Variants in DLG2 observed in about 807,000 individuals in gnomAD.
DLG2 encodes discs large MAGUK scaffold protein 2.
In DLG2, 45 loss-of-function variants were observed where a neutral mutation model predicts 132.5. That is an observed-to-expected ratio of 0.34 (90% confidence interval 0.27 to 0.44). DLG2 has a LOEUF of 0.44. Among genes scored for constraint, DLG2 ranks in the 20% least tolerant of loss-of-function variants. The pLI, the probability that DLG2 is intolerant of heterozygous loss-of-function variation, is 1.00. For synonymous variants in DLG2, 424 were observed against 419.6 expected (o/e 1.01, Z -0.13); for missense variants, 1,045 against 1,196.9 (o/e 0.87, Z 1.87).
In DLG2 at chr11:83,996,475, C is replaced by T. The variant is rs181174404; in HGVS notation, c.920-15833G>A. ...ATTCAGCGATCCTACTTATGGCTAC[C>T]GAAAGAAAGCAAATCAGTATACTGA... is the stretch of plus-strand genomic sequence containing the variant. On this transcript the variant is annotated intron_variant, in intron 11 of 27. Transcript: ENST00000376104. 9.9e-5 allele frequency among the ~76,000 whole-genome samples: 15 copies of T among 152,160 alleles called. No individual in the cohort carries two copies. The East Asian group carries it at 2.9e-3, about 29-fold the overall frequency.
intron 6 of DLG2, chr11:84,955,600 A>T (rs989222548): frequency 1.3e-5 from 2 of 152,360 alleles, no homozygotes; most frequent in South Asian, 4.1e-4. Context: ...TTCATCAACC[A>T]GATTCAGCAA....
intron 11 of DLG2, among the ~76,000 whole-genome samples, chr11:84,056,203 T>C (rs1312987879): frequency 6.6e-6 from 1 of 152,086 alleles, no homozygotes; most frequent in East Asian, 1.9e-4. Context: ...TAGTTATTTG[T>C]CCTAATGCTA....
intron 6 of DLG2, among the ~76,000 whole-genome samples, chr11:84,890,011 A>G (rs905741995): frequency 6.6e-6 from 1 of 152,206 alleles, no homozygotes; most frequent in Non-Finnish European, 1.5e-5. Context: ...ATGGATAGTC[A>G]TATGATAGTA....
chr11:84,113,879 T>C (rs1490706474), intron 9 of DLG2, among the ~76,000 whole-genome samples: 1 of 152,136 alleles, frequency 6.6e-6, no homozygotes, highest in African/African-American at 2.4e-5. Flanking sequence ...TTTGTCAAGT[T>C]TTAATGTGGT....
chr11:84,535,872 A>G (rs765357396), intron 6 of DLG2, among the ~76,000 whole-genome samples: 1 of 151,904 alleles, frequency 6.6e-6, no homozygotes. Context: ...TTGTCATAAC[A>G]CCATCACAGG....
intron 6 of DLG2, among the ~76,000 whole-genome samples, chr11:84,854,351 T>C (rs1395484919): frequency 6.6e-6 from 1 of 151,948 alleles, no homozygotes; most frequent in African/African-American, 2.4e-5. Flanking sequence ...TTTCCTCATT[T>C]GCAAGACTGG....
chr11:85,061,362 T>G (rs1362372179), intron 6 of DLG2, among the ~76,000 whole-genome samples: 5 of 151,766 alleles, frequency 3.3e-5, no homozygotes, highest in Non-Finnish European at 7.4e-5. Context: ...CAAGAATACA[T>G]ACACGATTTG....
intron 18 of DLG2, among the ~76,000 whole-genome samples, chr11:83,687,260 T>C (rs1254679028): frequency 1.3e-5 from 2 of 152,158 alleles, no homozygotes; most frequent in African/African-American, 2.4e-5. Context: ...CCTTAGGAAA[T>C]GAGTATAGTC....
intron 6 of DLG2, among the ~76,000 whole-genome samples, chr11:84,807,598 T>C (rs1205540049): frequency 2.0e-5 from 3 of 152,212 alleles, no homozygotes; most frequent in Non-Finnish European, 2.9e-5. Flanking sequence ...GCCAACTCTA[T>C]GCTGCCTAGA....
At chr11:84,102,432 A>G (rs1055431197) in intron 9 of DLG2, among the ~76,000 whole-genome samples, 13 of 152,170 alleles carry the variant, frequency 8.5e-5, no homozygotes, top group African/African-American at 3.1e-4. Context: ...CACAATAGAA[A>G]TCCACAATGT....
intron 20 of DLG2, among the ~76,000 whole-genome samples, chr11:83,534,453 A>T (rs1275890699): frequency 6.6e-6 from 1 of 152,240 alleles, no homozygotes; most frequent in Non-Finnish European, 1.5e-5. Context: ...AGCTATTCAT[A>T]GATCAATAAT....
At position 85,420,424 on chromosome 11, in the gene DLG2, C is replaced by T. The variant is rs147385282; in HGVS notation, c.41-135059G>A. Among the ~76,000 whole-genome samples, 473 of 152,246 alleles carry T rather than the reference C, an allele frequency of 3.1e-3. 1 individual carries two copies. Among genetic ancestry groups the T allele is most frequent in the African/African-American group, 0.011 (447 of 41,554 alleles). On this transcript the variant is annotated intron_variant, in intron 3 of 27. Coordinates refer to ENST00000376104, the MANE Select transcript of DLG2 (RefSeq NM_001142699.3). ...GAATCTTGGGGGTCAGGGACCCACT[C>T]GAGGAGGCAGTCTGTCCCTTAGCAG...
At chr11:83,479,983 C>CA (rs2092967176) in intron 22 of DLG2, among the ~76,000 whole-genome samples, 1 of 151,952 alleles carries the variant, frequency 6.6e-6, no homozygotes, top group East Asian at 1.9e-4. Context: ...AAGGAAATGG[C>CA]AAAATAAGAA....
Position 84,504,539 on chromosome 11 carries a change from T to C in DLG2, c.519+30031A>G, listed in dbSNP as rs1451139513. 3.8e-4 allele frequency among the ~76,000 whole-genome samples: 58 copies of C among 152,216 alleles called. 1 individual carries two copies. The highest frequency in any genetic ancestry group is 3.8e-3 in the Admixed American group (58 of 15,284). ...CCTACTTCAAAGATAAAACCTGAGA[T>C]TGTGCTGACCTAATTGCCAACATTC... On this transcript the variant is annotated intron_variant, in intron 7 of 27. Transcript: ENST00000376104.
chr11:84,438,973 T>C (rs1038569645), intron 7 of DLG2, among the ~76,000 whole-genome samples: 1 of 152,024 alleles, frequency 6.6e-6, no homozygotes, highest in African/African-American at 2.4e-5. Flanking sequence ...ATCTGTGGAA[T>C]CAACAACAAC....
chr11:85,301,822 C>G (rs1205467200), intron 3 of DLG2, among the ~76,000 whole-genome samples: 1 of 152,204 alleles, frequency 6.6e-6, no homozygotes, highest in African/African-American at 2.4e-5. Context: ...GCATAACTAG[C>G]AGCTGCCACA....
chr11:84,581,738 C>T (rs1418685480), intron 6 of DLG2, among the ~76,000 whole-genome samples: 1 of 151,898 alleles, frequency 6.6e-6, no homozygotes, highest in Non-Finnish European at 1.5e-5. Flanking sequence ...GAAAACCCAT[C>T]TGTACTAAAA....
At chr11:83,911,340 C>T (rs1422250223) in intron 15 of DLG2, among the ~76,000 whole-genome samples, 3 of 152,076 alleles carry the variant, frequency 2.0e-5, no homozygotes, top group Non-Finnish European at 4.4e-5. Context: ...TTCTATATTG[C>T]TTTTACCGTA....
chr11:84,698,304 A>T (rs1004186633), intron 6 of DLG2, among the ~76,000 whole-genome samples: 2 of 151,542 alleles, frequency 1.3e-5, no homozygotes, highest in African/African-American at 4.8e-5. Context: ...CTGATTTCAG[A>T]CTGCCTGTGA....
Sources: allele counts gnomAD v4.1 joint callset (sites outside exome capture counted in the v4.1 genomes callset), GRCh38; gene constraint gnomAD v4.1.1; transcripts MANE v1.5; gene names NCBI Gene and HGNC (gene_info 2026-07-23, HGNC 2026-07-21).